The following PRR14L variants were observed in gnomAD, a reference collection of about 807,000 sequenced individuals.
PRR14L encodes proline rich 14 like, also known as protein PRR14L.
PRR14L carries 80 observed loss-of-function variants against 155.0 expected under a neutral mutation model. The observed-to-expected ratio is 0.52, with a 90% CI of 0.43 to 0.62. The LOEUF is 0.62. Among genes scored for constraint, PRR14L ranks in the 20% least tolerant of loss-of-function variants. The pLI is 0.00. For missense variants in PRR14L, 2,469 were observed against 2,548.0 expected (o/e 0.97, Z 0.67); for synonymous variants, 883 against 916.0 (o/e 0.96, Z 0.65).
At chr22:31,723,511 C>T (rs2074701742) in intron 3 of PRR14L, among the ~76,000 whole-genome samples, 2 of 152,096 alleles carry the variant, frequency 1.3e-5, no homozygotes, top group East Asian at 1.9e-4. Context: ...GAAAATATAC[C>T]AAAGACTGAA....
At position 31,716,241 on chromosome 22, in the gene PRR14L, C is replaced by G. The variant is rs2074658527; in HGVS notation, c.1598G>C (p.Ser533Thr). ...QTTPVEPNIL[S>T]KSFYTKDCNS... ...ACAGTCTTTAGTGTAAAAAGATTTA[C>G]TTAATATATTGGGCTCTACAGGGGT... The change falls in exon 4 of 9, where the codon AGT becomes ACT. Residue 533 changes from serine (S) to threonine (T), a missense_variant. By Grantham distance (58) the Ser-to-Thr change is moderately conservative. Around this residue, in one of 2 missense-constraint regions of PRR14L, gnomAD observed 2,363 missense variants for 2,371.6 expected, o/e 1.00. Transcript: ENST00000327423. The G allele has an allele frequency of 6.4e-7, 1 of 1,551,510 alleles. No homozygotes were observed. The highest frequency in any genetic ancestry group is 8.7e-7 in the Non-Finnish European group (1 of 1,146,876).
chr22:31,712,133 A>G lies in PRR14L; in HGVS notation c.5706T>C (p.Ser1902=). ...GCCGCTTGCAGTGAGGGGAATGAAG[A>G]GAAGAGATTTCGAAGGAGCAGACAG... ...GPSVCSFEIS[S]LHSPHCKRQP... Residue 1902 remains serine (S), a synonymous_variant, in exon 4 of 9, where the codon TCT becomes TCC. Coordinates refer to ENST00000327423, the MANE Select transcript of PRR14L (RefSeq NM_173566.3). The G allele has an allele frequency of 1.2e-6, 2 of 1,614,016 alleles. No homozygotes were observed. Among genetic ancestry groups the G allele is most frequent in the Non-Finnish European group, 1.7e-6 (2 of 1,179,984 alleles).
At chr22:31,704,602 CTT>C in intron 5 of PRR14L, 51 bp downstream of exon 5, 14 of 1,470,162 alleles carry the variant, frequency 9.5e-6, no homozygotes, top group Non-Finnish European at 1.1e-5. Flanking sequence ...CACTCTCTCT[CTT>C]GCACACACAC....
intron 2 of PRR14L, among the ~76,000 whole-genome samples, chr22:31,726,561 C>A (rs1021217655): frequency 2.0e-5 from 3 of 152,186 alleles, no homozygotes; most frequent in African/African-American, 7.2e-5. Flanking sequence ...GACACCGCGC[C>A]TGGCCAAGAA....
At position 31,716,141 on chromosome 22, in the gene PRR14L, C is replaced by CT; in HGVS notation, c.1697_1698insA (p.Phe567ValfsTer2). 1 of 1,551,096 alleles carries CT rather than the reference C, an allele frequency of 6.4e-7. No homozygotes were observed. The highest frequency in any genetic ancestry group is 8.7e-7 in the Non-Finnish European group (1 of 1,146,578). On this transcript the variant is annotated frameshift_variant, in exon 4 of 9. Transcript: ENST00000327423. LOFTEE classifies it high-confidence loss of function. ...AACTCACAATGGATTTTCTTTCAAA[C>CT]AGAAAATCATTACATGATGCTTCAT...
intron 7 of PRR14L, among the ~76,000 whole-genome samples, chr22:31,699,353 A>C (rs961264923): frequency 1.3e-5 from 2 of 152,160 alleles, no homozygotes; most frequent in African/African-American, 2.4e-5. Context: ...TTGTTTTAGT[A>C]ATGCACAGGT....
chr22:31,703,758 T>G, intron 5 of PRR14L, 37 bp from the exon 6 acceptor site: 4 of 1,301,742 alleles, frequency 3.1e-6, no homozygotes, highest in Non-Finnish European at 4.1e-6. Context: ...TGAGAGGGGT[T>G]CCCTTTCTAC....
chr22:31,722,725 G>T (rs1054643218), intron 3 of PRR14L, among the ~76,000 whole-genome samples: 4 of 151,906 alleles, frequency 2.6e-5, no homozygotes, highest in African/African-American at 9.7e-5. Context: ...GTAGCGATGG[G>T]GTTTCACTGT....
intron 2 of PRR14L, among the ~76,000 whole-genome samples, chr22:31,729,784 C>T (rs891580595): frequency 1.3e-5 from 2 of 152,060 alleles, no homozygotes; most frequent in African/African-American, 2.4e-5. Context: ...CTATTTAATG[C>T]GTACTGAGTT....
At chr22:31,744,704 C>CGAG (rs1375513490) in intron 1 of PRR14L, among the ~76,000 whole-genome samples, 1 of 152,226 alleles carries the variant, frequency 6.6e-6, no homozygotes, top group Non-Finnish European at 1.5e-5. Flanking sequence ...AGCCTGTGGA[C>CGAG]TCAACTCCCT....
chr22:31,739,838 T>C (rs576473813), intron 1 of PRR14L, among the ~76,000 whole-genome samples: 1 of 152,296 alleles, frequency 6.6e-6, no homozygotes, highest in Admixed American at 6.5e-5. Context: ...ACTATACAAG[T>C]AGCCAAAACA....
Position 31,714,803 on chromosome 22 carries a change from T to C in PRR14L, c.3036A>G (p.Gln1012=). ...TGCCTGAGCTGACCAGCAGATCCTTTTGGTTGTGGTTTACCTCCCCGTGAG... is the reference window on the plus strand; with the variant it reads ...TGCCTGAGCTGACCAGCAGATCCTTCTGGTTGTGGTTTACCTCCCCGTGAG... ...TEPHGEVNHN[Q]KDLLVSSGSN... is the part of the protein sequence containing the mutation. Residue 1012 remains glutamine, a synonymous_variant, in exon 4 of 9, where the codon CAA becomes CAG. Coordinates refer to ENST00000327423, the MANE Select transcript of PRR14L (RefSeq NM_173566.3). 3.2e-6 allele frequency: 5 copies of C among 1,552,244 alleles called. No homozygotes were observed. The highest frequency in any genetic ancestry group is 4.4e-6 in the Non-Finnish European group (5 of 1,147,124).
intron 2 of PRR14L, among the ~76,000 whole-genome samples, chr22:31,732,794 C>T (rs1238485667): frequency 2.6e-5 from 4 of 152,084 alleles, no homozygotes. Flanking sequence ...GAAATCACTC[C>T]ATATCAGTAT....
At chr22:31,711,968 A>AT in intron 4 of PRR14L, 115 bp downstream of exon 4, 5 of 976,684 alleles carry the variant, frequency 5.1e-6, no homozygotes, top group Non-Finnish European at 7.5e-6. Context: ...TAAATAGAAA[A>AT]TGCAGACCCA....
intron 1 of PRR14L, among the ~76,000 whole-genome samples, chr22:31,747,877 C>T (rs950470829): frequency 6.6e-6 from 1 of 151,194 alleles, no homozygotes; most frequent in Non-Finnish European, 1.5e-5. Context: ...TGCTCTCAAT[C>T]TCATCAGAAT....
chr22:31,713,306 C>T lies in PRR14L; in HGVS notation c.4533G>A (p.Ala1511=), dbSNP rs771320875. Residue 1511 remains alanine (A), a synonymous_variant, in exon 4 of 9, where the codon GCG becomes GCA. Coordinates refer to ENST00000327423, the MANE Select transcript of PRR14L (RefSeq NM_173566.3). ...AGCDQIHGAF[A]KKGVLPLKKQ... is the part of the protein sequence containing the mutation. ...TCTTTAAGGGAAGAACTCCTTTCTT[C>T]GCAAAGGCACCATGTATTTGATCAC... The T allele has an allele frequency of 5.0e-5, 78 of 1,552,132 alleles. No homozygotes were observed. In the South Asian group the frequency reaches 5.1e-4, roughly 10 times the overall value.
chr22:31,725,997 T>A (rs1283874075), intron 2 of PRR14L, among the ~76,000 whole-genome samples: 1 of 152,018 alleles, frequency 6.6e-6, no homozygotes, highest in East Asian at 1.9e-4. Context: ...AGAGACTTCT[T>A]TATGACTTTG....
rs1262144319 is a variant in PRR14L, at chr22:31,716,286, A to G, written c.1553T>C (p.Ile518Thr). ...EESSFSSLMQ[I>T]EEAGQTTPVE... Reference sequence around the variant, plus strand: ...AGGGGTTGTCTGTCCTGCCTCTTCAATCTGCATCAAGGAGGAAAAACTGCT... The same window carrying G: ...AGGGGTTGTCTGTCCTGCCTCTTCAGTCTGCATCAAGGAGGAAAAACTGCT... The change falls in exon 4 of 9, where the codon ATT becomes ACT. Residue 518 changes from isoleucine (I) to threonine (T), a missense_variant. Ile to Thr is a moderately conservative substitution (Grantham distance 89). Around this residue, in one of 2 missense-constraint regions of PRR14L, gnomAD observed 2,363 missense variants for 2,371.6 expected, o/e 1.00. Coordinates refer to ENST00000327423, the MANE Select transcript of PRR14L (RefSeq NM_173566.3). The G allele has an allele frequency of 1.9e-6, 3 of 1,551,714 alleles. No homozygotes were observed. The highest frequency in any genetic ancestry group is 2.6e-6 in the Non-Finnish European group (3 of 1,146,992).
In PRR14L at chr22:31,715,827, A is replaced by G. The variant is rs1250141508; in HGVS notation, c.2012T>C (p.Leu671Pro). The change falls in exon 4 of 9, where the codon CTA becomes CCA. Residue 671 changes from leucine to proline, a missense_variant. Transcript: ENST00000327423. ...QEHANLPTDS[L>P]LHLNKEMPLA... ...AGGCATCTCTTTGTTTAAATGCAGTAGAGAGTCAGTTGGCAAATTTGCATG... is the reference window on the plus strand; with the variant it reads ...AGGCATCTCTTTGTTTAAATGCAGTGGAGAGTCAGTTGGCAAATTTGCATG... 1 of 1,551,694 alleles carries G rather than the reference A, an allele frequency of 6.4e-7. No individual in the cohort carries two copies. Among genetic ancestry groups the G allele is most frequent in the Non-Finnish European group, 8.7e-7 (1 of 1,146,936 alleles).
Sources: gnomAD v4.1 joint callset for allele counts (sites outside exome capture counted in the v4.1 genomes callset) on GRCh38, gnomAD v4.1.1 for gene constraint, gnomAD v4.1.1 regional missense constraint, MANE v1.5 for transcripts, NCBI Gene and HGNC (gene_info 2026-07-23, HGNC 2026-07-21) for gene names.